The following RAPGEF1 variants were observed in gnomAD, a reference collection of about 807,000 sequenced individuals.
RAPGEF1 encodes Rap guanine nucleotide exchange factor 1, also known as CRK SH3-binding GNRP.
A neutral mutation model predicts 143.3 loss-of-function variants in RAPGEF1; 33 were observed. The ratio of observed to expected loss-of-function variants is 0.23; its 90% confidence interval spans 0.17 to 0.31. The LOEUF is 0.31. Ranked by LOEUF, RAPGEF1 falls within the 10% of genes least tolerant of loss-of-function variation. The pLI, the probability that RAPGEF1 is intolerant of heterozygous loss-of-function variation, is 1.00. For synonymous variants in RAPGEF1, 629 were observed against 676.5 expected (o/e 0.93, Z 1.09); for missense variants, 1,199 against 1,645.4 (o/e 0.73, Z 4.69).
chr9:131,674,703 C>T (rs181225727), intron 1 of RAPGEF1, among the ~76,000 whole-genome samples: 79 of 152,324 alleles, frequency 5.2e-4, no homozygotes, highest in Non-Finnish European at 8.8e-4. Flanking sequence ...CCAGTTCAGA[C>T]GGCCTTCCCA....
At chr9:131,692,989 G>T (rs1430452985) in intron 1 of RAPGEF1, among the ~76,000 whole-genome samples, 1 of 152,176 alleles carries the variant, frequency 6.6e-6, no homozygotes, top group Non-Finnish European at 1.5e-5. Context: ...GGTTCATGGG[G>T]ACCCTGGCTA....
Position 131,638,691 on chromosome 9 carries a change from T to C in RAPGEF1, c.595A>G (p.Lys199Glu). 1.2e-6 allele frequency: 2 copies of C among 1,614,022 alleles called. No homozygotes were observed. Among genetic ancestry groups the C allele is most frequent in the Non-Finnish European group, 1.7e-6 (2 of 1,179,894 alleles). Residue 199 changes from lysine (K) to glutamate (E), a missense_variant, in exon 5 of 27, where the codon AAG (lysine) becomes GAG (glutamate). Coordinates refer to ENST00000683357, the MANE Select transcript of RAPGEF1 (RefSeq NM_001377935.1). ...VMLEGVNSED[K>E]EMVTTVKGVI... is the part of the protein sequence containing the mutation. Reference sequence around the variant, plus strand: ...CCCTTCACAGTCGTCACCATCTCCTTGTCTTCTGAGTTCACGCCTTCCAGC... The same window carrying C: ...CCCTTCACAGTCGTCACCATCTCCTCGTCTTCTGAGTTCACGCCTTCCAGC...
rs1180106097 is a variant in RAPGEF1 at position 131,667,058 on chromosome 9, C to T, written c.62-16109G>A. Among the ~76,000 whole-genome samples the T allele has an allele frequency of 6.6e-6, 1 of 152,092 alleles. No homozygotes were observed. Among genetic ancestry groups the T allele is most frequent in the East Asian group, 1.9e-4 (1 of 5,180 alleles). The stretch of plus-strand genomic sequence containing the variant: ...CAGGCGGAGTGCAGTGGCACGAACT[C>T]GGCTCACTGCCATCTCCATCTCACG... On this transcript the variant is annotated intron_variant, in intron 1 of 26. Coordinates refer to ENST00000683357, the MANE Select transcript of RAPGEF1 (RefSeq NM_001377935.1). This position sits in a 1 kb window ranked among gnomAD's most constrained non-coding sequence, Gnocchi z 4.6.
At position 131,583,104 on chromosome 9, in the gene RAPGEF1, T is replaced by C. The variant is rs1284625096; in HGVS notation, c.3415-402A>G. ...CGTCACTCCTGACTCGGAGCTGCCT[T>C]TGCTCTGCCCTGTACTCAGGGAGGA... is the stretch of plus-strand genomic sequence containing the variant. On this transcript the variant is annotated intron_variant, in intron 24 of 26. Transcript: ENST00000683357. The surrounding 1 kb of genome is among the most constrained non-coding windows in gnomAD (Gnocchi z 4.7). Among the ~76,000 whole-genome samples the C allele has an allele frequency of 6.6e-6, 1 of 152,152 alleles. No individual in the cohort carries two copies. The highest frequency in any genetic ancestry group is 1.5e-5 in the Non-Finnish European group (1 of 68,002).
intron 16 of RAPGEF1, 108 bp downstream of exon 16, chr9:131,598,091 T>C: frequency 2.1e-6 from 2 of 962,798 alleles, no homozygotes; most frequent in South Asian, 1.5e-5. Context: ...ACTTGGTCTC[T>C]AAGCCTCCTA....
At chr9:131,705,968 C>G (rs1295617955) in intron 1 of RAPGEF1, among the ~76,000 whole-genome samples, 9 of 152,200 alleles carry the variant, frequency 5.9e-5, no homozygotes, top group Admixed American at 3.3e-4. Flanking sequence ...TTGGAATGCA[C>G]TCTGGGCCTG....
intron 1 of RAPGEF1, among the ~76,000 whole-genome samples, chr9:131,671,961 C>G (rs1479324276): frequency 6.6e-6 from 1 of 152,240 alleles, no homozygotes; most frequent in Non-Finnish European, 1.5e-5. Flanking sequence ...GAAACTTAAT[C>G]ACAACCAACT....
At chr9:131,602,257 G>A (rs931364568) in intron 14 of RAPGEF1, 108 bp from the exon 15 acceptor site, 9 of 712,146 alleles carry the variant, frequency 1.3e-5, no homozygotes, top group Non-Finnish European at 1.9e-5. Context: ...AGTTCCTATG[G>A]AGCAATCTCA....
intron 1 of RAPGEF1, among the ~76,000 whole-genome samples, chr9:131,714,232 A>G (rs2131232407): frequency 6.6e-6 from 1 of 151,956 alleles, no homozygotes; most frequent in Non-Finnish European, 1.5e-5. Context: ...AGTAGGAAAC[A>G]TTTTAAGGAG....
intron 4 of RAPGEF1, among the ~76,000 whole-genome samples, chr9:131,642,634 G>A (rs540419754): frequency 6.4e-4 from 97 of 152,338 alleles, no homozygotes; most frequent in African/African-American, 2.3e-3. Context: ...CCCAAAAGCG[G>A]CGCTGGTCCA....
chr9:131,639,608 T>A (rs1967256924), intron 4 of RAPGEF1, among the ~76,000 whole-genome samples: 1 of 152,136 alleles, frequency 6.6e-6, no homozygotes, highest in South Asian at 2.1e-4. Flanking sequence ...TAAAGATAAT[T>A]TTCCCTAGGA....
chr9:131,595,692 T>G (rs1401449547), intron 17 of RAPGEF1, among the ~76,000 whole-genome samples: 1 of 36,602 alleles, frequency 2.7e-5, no homozygotes, highest in East Asian at 6.0e-4. Flanking sequence ...TGACTGGGAA[T>G]GACTTTGCTA....
chr9:131,719,553 CTTTT>C, intron 1 of RAPGEF1, among the ~76,000 whole-genome samples: 1 of 72,396 alleles, frequency 1.4e-5, no homozygotes, highest in Admixed American at 2.0e-4. Flanking sequence ...CCCTTCAGGG[CTTTT>C]TTTTTTTTTT....
chr9:131,582,346 G>T (rs1951991386), intron 25 of RAPGEF1, among the ~76,000 whole-genome samples: 1 of 152,106 alleles, frequency 6.6e-6, no homozygotes, highest in African/African-American at 2.4e-5. Context: ...GGCTGGGAAA[G>T]GAGAACCCGT....
chr9:131,737,685 C>G, intron 1 of RAPGEF1: 1 of 1,119,190 alleles, frequency 8.9e-7, no homozygotes, highest in Non-Finnish European at 1.2e-6. Context: ...AAAAAAGAGG[C>G]CCAGCGCGGT....
intron 13 of RAPGEF1, 93 bp from the exon 14 acceptor site, chr9:131,604,146 G>A: frequency 2.8e-6 from 2 of 726,638 alleles, no homozygotes; most frequent in Non-Finnish European, 4.2e-6. Flanking sequence ...CTGCACTCTG[G>A]TCTTCCCAGG....
At chr9:131,653,081 C>T (rs572204952) in intron 1 of RAPGEF1, among the ~76,000 whole-genome samples, 1 of 152,260 alleles carries the variant, frequency 6.6e-6, no homozygotes, top group East Asian at 1.9e-4. Flanking sequence ...CAGAGCATGA[C>T]TCTATTTAAA....
chr9:131,642,638 T>C (rs1332353778), intron 4 of RAPGEF1, among the ~76,000 whole-genome samples: 1 of 152,232 alleles, frequency 6.6e-6, no homozygotes, highest in East Asian at 1.9e-4. Flanking sequence ...AAAGCGGCGC[T>C]GGTCCATAGG....
intron 1 of RAPGEF1, among the ~76,000 whole-genome samples, chr9:131,699,723 C>T (rs763236790): frequency 3.3e-5 from 5 of 152,154 alleles, no homozygotes; most frequent in African/African-American, 4.8e-5. Flanking sequence ...CCTGCTTTCC[C>T]CCTACCTTCC....
Sources: gnomAD v4.1 joint callset for allele counts (sites outside exome capture counted in the v4.1 genomes callset) on GRCh38, gnomAD v4.1.1 for gene constraint, Gnocchi (gnomAD v3.1) non-coding constraint, MANE v1.5 for transcripts, NCBI Gene and HGNC (gene_info 2026-07-23, HGNC 2026-07-21) for gene names.